DGKH: variants seen among roughly 807,000 people sequenced by gnomAD.
The protein encoded by DGKH is diacylglycerol kinase eta, also known as DAG kinase eta.
DGKH carries 90 observed loss-of-function variants against 159.3 expected under a neutral mutation model. The ratio of observed to expected loss-of-function variants is 0.57; its 90% CI spans 0.48 to 0.67. The LOEUF is 0.67. Ranked by LOEUF, DGKH falls within the 30% of genes least tolerant of loss-of-function variation. DGKH has a pLI of 0.00. For missense variants in DGKH, 1,181 were observed against 1,506.1 expected (o/e 0.78, Z 3.57); for synonymous variants, 536 against 553.8 (o/e 0.97, Z 0.45).
chr13:42,123,814 A>G (rs2137831841), intron 1 of DGKH, among the ~76,000 whole-genome samples: 1 of 152,320 alleles, frequency 6.6e-6, no homozygotes, highest in Non-Finnish European at 1.5e-5. Context: ...AATGCCTAAA[A>G]TTAAAGTGAC....
intron 28 of DGKH, chr13:42,221,052 C>T (rs1187294631): frequency 3.9e-6 from 2 of 507,822 alleles, no homozygotes; most frequent in East Asian, 7.7e-5. Flanking sequence ...TGCACGGCAG[C>T]AAATGGTTTT....
chr13:42,077,013 C>T (rs1954112591), intron 1 of DGKH, among the ~76,000 whole-genome samples: 1 of 152,102 alleles, frequency 6.6e-6, no homozygotes, highest in Admixed American at 6.6e-5. Flanking sequence ...AGATTTTCTT[C>T]ATCACCTTTT....
In DGKH at chr13:42,195,036, A is replaced by G. The variant is rs776361643; in HGVS notation, c.2167+20A>G. 4 of 1,605,666 alleles carry G rather than the reference A, an allele frequency of 2.5e-6. No homozygotes were observed. The highest frequency in any genetic ancestry group is 1.3e-5 in the African/African-American group (1 of 74,396). On this transcript the variant is annotated intron_variant, in intron 17 of 29. Coordinates refer to ENST00000337343, the MANE Select transcript of DGKH (RefSeq NM_178009.5). The stretch of plus-strand genomic sequence containing the variant: ...GCCCAGGTAGTACAGATTCTGAAAC[A>G]TCGTGTATTTTTCAGTATTTCTGTG...
chr13:42,153,065 G>A (rs539576477), intron 3 of DGKH, among the ~76,000 whole-genome samples: 1 of 151,992 alleles, frequency 6.6e-6, no homozygotes, highest in Non-Finnish European at 1.5e-5. Flanking sequence ...TCTGGAAAAC[G>A]TAACTGTATT....
intron 20 of DGKH, 29 bp downstream of exon 20, chr13:42,199,938 C>T (rs1172852204): frequency 6.5e-7 from 1 of 1,544,042 alleles, no homozygotes; most frequent in Non-Finnish European, 8.8e-7. Context: ...AAAGATATTT[C>T]ATATTATCTT....
At chr13:42,103,203 G>T (rs1300428539) in intron 1 of DGKH, among the ~76,000 whole-genome samples, 1 of 152,154 alleles carries the variant, frequency 6.6e-6, no homozygotes, top group African/African-American at 2.4e-5. Flanking sequence ...GAAGCATAAG[G>T]TAAATGGAGA....
intron 13 of DGKH, among the ~76,000 whole-genome samples, chr13:42,178,454 A>AAAAGGTGTAAGAAGCG (rs1956663296): frequency 3.3e-5 from 5 of 152,282 alleles, no homozygotes; most frequent in Middle Eastern, 3.4e-3. Context: ...ATTTTTATCA[A>AAAAGGTGTAAGAAGCG]AAAGGTGTAA....
intron 1 of DGKH, among the ~76,000 whole-genome samples, chr13:42,063,201 C>T (rs1282952888): frequency 6.6e-6 from 1 of 151,836 alleles, no homozygotes; most frequent in Non-Finnish European, 1.5e-5. Context: ...AAGAGAGTGC[C>T]ATGAGGATAT....
upstream of DGKH, among the ~76,000 whole-genome samples, chr13:42,044,738 A>C (rs1427329009): frequency 2.6e-5 from 4 of 152,210 alleles, no homozygotes. Context: ...AAAGAAGATA[A>C]ATTTTAGCAT....
rs1957170103 is a variant in DGKH at position 42,195,013 on chromosome 13, C to T, written c.2164C>T (p.Pro722Ser). The T allele has an allele frequency of 1.2e-6, 2 of 1,610,432 alleles. No individual in the cohort carries two copies. The highest frequency in any genetic ancestry group is 1.7e-6 in the Non-Finnish European group (2 of 1,179,108). The change falls in exon 17 of 30, where the codon CCA (proline) becomes TCA (serine). Residue 722 changes from proline (P) to serine (S), a missense_variant. Pro to Ser is a moderately conservative substitution (Grantham distance 74). Coordinates refer to ENST00000337343, the MANE Select transcript of DGKH (RefSeq NM_178009.5). ...LPVLNTRIIC[P>S]GLRAGLAASI... ...TGTGCTCAATACCAGAATAATCTGCCCAGGTAGTACAGATTCTGAAACATC... is the reference window on the plus strand; with the variant it reads ...TGTGCTCAATACCAGAATAATCTGCTCAGGTAGTACAGATTCTGAAACATC...
At chr13:42,218,658 A>G (rs891599692) in intron 26 of DGKH, among the ~76,000 whole-genome samples, 18 of 151,984 alleles carry the variant, frequency 1.2e-4, no homozygotes, top group African/African-American at 4.1e-4. Context: ...ACAGGCGCCC[A>G]ACACCATGCC....
intron 23 of DGKH, among the ~76,000 whole-genome samples, chr13:42,209,830 T>G (rs1449506): frequency 0.13 from 19,277 of 152,156 alleles, 1,615 homozygotes; most frequent in Admixed American, 0.22. Context: ...AAGTCCATAG[T>G]TTCCATTACT....
At chr13:42,056,543 T>C (rs150926216) in intron 1 of DGKH, among the ~76,000 whole-genome samples, 34 of 152,354 alleles carry the variant, frequency 2.2e-4, no homozygotes, top group African/African-American at 6.7e-4. Context: ...TATGGAACAG[T>C]TGTGTACAGT....
chr13:42,098,393 A>C (rs1332363905), intron 1 of DGKH, among the ~76,000 whole-genome samples: 1 of 152,180 alleles, frequency 6.6e-6, no homozygotes, highest in Non-Finnish European at 1.5e-5. Context: ...AGGCTGAGGC[A>C]TGAGAATGAC....
At chr13:42,203,277 A>T (rs1957390443) in intron 20 of DGKH, among the ~76,000 whole-genome samples, 1 of 152,222 alleles carries the variant, frequency 6.6e-6, no homozygotes, top group Non-Finnish European at 1.5e-5. Context: ...AGTTCGGAAG[A>T]GTAAAGGCAT....
At chr13:42,228,555 C>T (rs1249194053) in intron 29 of DGKH, among the ~76,000 whole-genome samples, 1 of 151,772 alleles carries the variant, frequency 6.6e-6, no homozygotes, top group Non-Finnish European at 1.5e-5. Flanking sequence ...TGTGGGTGCC[C>T]TGCTGTCCCG....
intron 29 of DGKH, 93 bp from the exon 30 acceptor site, chr13:42,229,006 C>A (rs530118402): frequency 8.2e-6 from 9 of 1,104,038 alleles, no homozygotes; most frequent in Admixed American, 2.6e-5. Flanking sequence ...TTTCAATAAA[C>A]TTTTTTCCTT....
chr13:42,053,524 A>G (rs1881498174), intron 1 of DGKH, among the ~76,000 whole-genome samples: 2 of 64,286 alleles, frequency 3.1e-5, no homozygotes, highest in African/African-American at 1.3e-4. Context: ...ATAACTATAT[A>G]TAACTATATA....
At chr13:42,094,878 G>T (rs1115399) in intron 1 of DGKH, among the ~76,000 whole-genome samples, 83,122 of 151,952 alleles carry the variant, frequency 0.55, 23,346 homozygotes, top group African/African-American at 0.66. Context: ...AATTGTGTTT[G>T]AAAAGAAAAC....
Sources: allele counts gnomAD v4.1 joint callset (sites outside exome capture counted in the v4.1 genomes callset), GRCh38; gene constraint gnomAD v4.1.1; transcripts MANE v1.5; gene names NCBI Gene and HGNC (gene_info 2026-07-23, HGNC 2026-07-21).